PIGX: variants seen among roughly 807,000 people sequenced by gnomAD.
PIGX encodes phosphatidylinositol glycan anchor biosynthesis class X.
A neutral mutation model predicts 28.7 loss-of-function variants in PIGX; 24 were observed. That is an observed-to-expected ratio of 0.84 (90% CI 0.60 to 1.17). The LOEUF (loss-of-function observed/expected upper bound fraction) is 1.17, where lower values mean the gene tolerates loss of function less well. Among genes scored for constraint, PIGX ranks in the 50% most tolerant of loss-of-function variants. The probability of loss-of-function intolerance (pLI) is 0.00; values close to 1 mark genes in which losing one functional copy is unlikely to be tolerated. For missense variants in PIGX, 305 were observed against 317.8 expected (o/e 0.96, Z 0.31); for synonymous variants, 127 against 121.0 (o/e 1.05, Z -0.33).
rs56936358 is a variant in PIGX at position 196,733,117 on chromosome 3, T to C, written c.634-642T>C. ...CATGGTAAGAGGAAGTAAATGTTTA[T>C]ATTGATTACAGAGGTGACACTGGGA... On this transcript the variant is annotated intron_variant, in intron 5 of 5. Coordinates refer to ENST00000392391, the MANE Select transcript of PIGX (RefSeq NM_017861.4). This position sits in a 1 kb window ranked among gnomAD's most constrained non-coding sequence, Gnocchi z 4.3. Among the ~76,000 whole-genome samples, 28,201 of 152,224 alleles carry C rather than the reference T, an allele frequency of 0.19. 2,833 individuals carry two copies. Among genetic ancestry groups the C allele is most frequent in the Non-Finnish European group, 0.22 (14,936 of 67,988 alleles).
chr3:196,716,995 A>G, intron 2 of PIGX, 74 bp downstream of exon 2: 2 of 895,592 alleles, frequency 2.2e-6, no homozygotes. Context: ...TTGATGGTTG[A>G]AATTTGTATA....
intron 3 of PIGX, among the ~76,000 whole-genome samples, chr3:196,723,734 G>A (rs568967444): frequency 9.5e-4 from 144 of 151,462 alleles, no homozygotes; most frequent in African/African-American, 2.7e-3. Context: ...ATCTACTTAC[G>A]AATTTTTAAA....
intron 2 of PIGX, chr3:196,721,247 C>A: frequency 3.0e-6 from 1 of 336,948 alleles, no homozygotes; most frequent in Non-Finnish European, 5.7e-6. Context: ...CCTTTTTTCT[C>A]CCTGGTCTTT....
rs1325185051 is a variant in PIGX at position 196,716,582 on chromosome 3, A to G, written c.113-276A>G. Among the ~76,000 whole-genome samples, 3 of 152,206 alleles carry G rather than the reference A, an allele frequency of 2.0e-5. No individual in the cohort carries two copies. The South Asian group carries it at 6.2e-4, about 31-fold the overall frequency. On this transcript the variant is annotated intron_variant, in intron 1 of 5. Transcript: ENST00000392391. ...CTTACGACAGCTAGTAGAGAGATAA[A>G]CTATCTTGCCCAAAGTTAACACAGC...
chr3:196,717,557 C>T (rs190555143), intron 2 of PIGX, among the ~76,000 whole-genome samples: 22 of 152,258 alleles, frequency 1.4e-4, no homozygotes, highest in African/African-American at 5.3e-4. Flanking sequence ...TACACACACC[C>T]TCTCATATAC....
At chr3:196,712,901 CT>C in intron 1 of PIGX, 1 of 1,052,222 alleles carries the variant, frequency 9.5e-7, no homozygotes, top group Non-Finnish European at 1.1e-6. Context: ...TACTAAAGTT[CT>C]GAGAAGGAAA....
chr3:196,722,050 C>A (rs1440403906), intron 2 of PIGX, among the ~76,000 whole-genome samples: 3 of 152,190 alleles, frequency 2.0e-5, no homozygotes, highest in African/African-American at 7.2e-5. Flanking sequence ...CCATGCCTGC[C>A]CTCTGGCCTG....
intron 3 of PIGX, among the ~76,000 whole-genome samples, chr3:196,727,577 T>C (rs1338216120): frequency 6.6e-6 from 1 of 152,210 alleles, no homozygotes; most frequent in Non-Finnish European, 1.5e-5. Context: ...TGTGTACTTA[T>C]TGAATAATGC....
chr3:196,715,114 C>G (rs1051651735), intron 1 of PIGX, among the ~76,000 whole-genome samples: 1 of 151,978 alleles, frequency 6.6e-6, no homozygotes, highest in Non-Finnish European at 1.5e-5. Context: ...AAAAAAAGAA[C>G]AAATAAAAAT....
At chr3:196,725,725 C>T (rs758941426) in intron 3 of PIGX, among the ~76,000 whole-genome samples, 14 of 152,030 alleles carry the variant, frequency 9.2e-5, no homozygotes, top group Non-Finnish European at 1.5e-4. Context: ...GTCTGGTACT[C>T]ACACAGGGAC....
intron 1 of PIGX, chr3:196,713,190 C>T (rs1169824992): frequency 1.6e-6 from 1 of 642,610 alleles, no homozygotes; most frequent in African/African-American, 2.0e-5. Flanking sequence ...GAGGATGTTT[C>T]TGTCATCCTT....
intron 4 of PIGX, among the ~76,000 whole-genome samples, chr3:196,729,836 G>A (rs1347986088): frequency 1.3e-5 from 2 of 151,494 alleles, no homozygotes; most frequent in Non-Finnish European, 2.9e-5. Context: ...TTGGGAGGCC[G>A]AGGCAGGCGG....
chr3:196,720,058 G>A (rs777077604), intron 2 of PIGX, among the ~76,000 whole-genome samples: 1 of 152,218 alleles, frequency 6.6e-6, no homozygotes, highest in Non-Finnish European at 1.5e-5. Flanking sequence ...GATTACAGGC[G>A]TGAGCCACCG....
Position 196,733,497 on chromosome 3 carries a change from C to T in PIGX, c.634-262C>T, listed in dbSNP as rs547161285. 4.6e-5 allele frequency among the ~76,000 whole-genome samples: 7 copies of T among 152,156 alleles called. No homozygotes were observed. In the South Asian group the frequency reaches 8.3e-4, roughly 18 times the overall value. On this transcript the variant is annotated intron_variant, in intron 5 of 5. Coordinates refer to ENST00000392391, the MANE Select transcript of PIGX (RefSeq NM_017861.4). This position sits in a 1 kb window ranked among gnomAD's most constrained non-coding sequence, Gnocchi z 4.3. ...ACGATCTCAGCTCACTGCAAACCTC[C>T]GCCTCCCGGGTTCAAGTGATTGTTC...
rs1309592478 is a variant in PIGX at position 196,732,218 on chromosome 3, A to T, written c.633+1126A>T. 2.7e-3 allele frequency among the ~76,000 whole-genome samples: 43 copies of T among 15,868 alleles called. 1 individual carries two copies. Among genetic ancestry groups the T allele is most frequent in the Non-Finnish European group, 3.7e-3 (36 of 9,746 alleles). 10.4% of individuals were successfully genotyped at this position (15,868 alleles called of 152,430 possible). A position where few individuals can be genotyped will look rare whatever the true frequency, so the allele number is the denominator to read the frequency against. ...TTTTAACTATATGTATATATTATTT[A>T]TATATATATATATATATATATATAT... On this transcript the variant is annotated intron_variant, in intron 5 of 5. Transcript: ENST00000392391.
At chr3:196,730,627 A>G (rs1207226205) in intron 4 of PIGX, among the ~76,000 whole-genome samples, 2 of 151,818 alleles carry the variant, frequency 1.3e-5, no homozygotes, top group Non-Finnish European at 2.9e-5. Flanking sequence ...AGGCACCTGT[A>G]ATCCCAGCTA....
chr3:196,731,534 C>G (rs1577680931), intron 5 of PIGX, among the ~76,000 whole-genome samples: 1 of 152,178 alleles, frequency 6.6e-6, no homozygotes, highest in Non-Finnish European at 1.5e-5. Flanking sequence ...AGGGTTACTA[C>G]AAAGCACTGC....
chr3:196,728,154 T>TAG lies in PIGX; in HGVS notation c.532+18_532+19insAG, dbSNP rs763861886. On this transcript the variant is annotated intron_variant, in intron 4 of 5. Transcript: ENST00000392391. Reference sequence around the variant, plus strand: ...TGACCAAGGTGAGGGCTGCAAGTGTTTTCTAAGGGTTGAAACATCAGAATA... The same window carrying TAG: ...TGACCAAGGTGAGGGCTGCAAGTGTTAGTTCTAAGGGTTGAAACATCAGAATA... 3 of 1,596,232 alleles carry TAG rather than the reference T, an allele frequency of 1.9e-6. No individual in the cohort carries two copies. In the Admixed American group the frequency reaches 5.0e-5, roughly 27 times the overall value.
rs114896845 is a variant in PIGX at position 196,721,602 on chromosome 3, A to T, written c.177-813A>T. Among the ~76,000 whole-genome samples the T allele has an allele frequency of 8.1e-3, 1,225 of 151,582 alleles. 12 individuals carry two copies. The highest frequency in any genetic ancestry group is 0.028 in the African/African-American group (1,170 of 41,264). The stretch of plus-strand genomic sequence containing the variant: ...AGGCACACATCACCATGTCTGGCTA[A>T]TTTTTTTATTTTTTTAGAGACAGGG... On this transcript the variant is annotated intron_variant, in intron 2 of 5. Transcript: ENST00000392391.
Sources: gnomAD v4.1 joint callset for allele counts (sites outside exome capture counted in the v4.1 genomes callset) on GRCh38, gnomAD v4.1.1 for gene constraint, Gnocchi (gnomAD v3.1) non-coding constraint, MANE v1.5 for transcripts, NCBI Gene and HGNC (gene_info 2026-07-23, HGNC 2026-07-21) for gene names.